Variants in ANKFN1 observed in about 807,000 individuals in gnomAD.
ANKFN1 encodes ankyrin repeat and fibronectin type-III domain-containing protein 1.
A neutral mutation model predicts 108.7 loss-of-function variants in ANKFN1; 74 were observed. That is an observed-to-expected ratio of 0.68 (90% confidence interval 0.56 to 0.83). The LOEUF is 0.83. Among genes scored for constraint, ANKFN1 ranks in the 40% least tolerant of loss-of-function variants. The probability of loss-of-function intolerance (pLI) is 0.00; values close to 1 mark genes in which losing one functional copy is unlikely to be tolerated. For missense variants in ANKFN1, 1,505 were observed against 1,382.3 expected, an observed-to-expected ratio of 1.09 and a Z score of -1.41; for synonymous variants, 547 against 516.2, an observed-to-expected ratio of 1.06 and a Z score of -0.81.
intron 8 of ANKFN1, 113 bp from the exon 9 acceptor site, chr17:56,440,214 C>T (rs961218177): frequency 4.0e-6 from 2 of 495,138 alleles, no homozygotes; most frequent in Admixed American, 6.9e-5. Flanking sequence ...GGAGGGTGCA[C>T]TTAACTCTTT....
chr17:56,215,495 C>A lies in ANKFN1; in HGVS notation c.12+2816C>A, dbSNP rs1260007954. ...GGTCCAGAAAACACAATGAAAGGGA[C>A]AAGAACAGGAAGATGGAGGGGCATG... On this transcript the variant is annotated intron_variant, in intron 2 of 20. Coordinates refer to ENST00000682825, the MANE Select transcript of ANKFN1 (RefSeq NM_001370326.1). Among the ~76,000 whole-genome samples, 8 of 152,058 alleles carry A rather than the reference C, an allele frequency of 5.3e-5. 1 individual carries two copies. The highest frequency in any genetic ancestry group is 5.2e-4 in the Admixed American group (8 of 15,272).
intron 4 of ANKFN1, among the ~76,000 whole-genome samples, chr17:56,072,349 A>G (rs766870977): frequency 1.3e-5 from 2 of 152,086 alleles, no homozygotes; most frequent in Non-Finnish European, 2.9e-5. Flanking sequence ...CACACATAGT[A>G]TAGCGCAATG....
chr17:56,093,323 A>T (rs1905454958), intron 4 of ANKFN1, among the ~76,000 whole-genome samples: 1 of 151,104 alleles, frequency 6.6e-6, no homozygotes, highest in Non-Finnish European at 1.5e-5. Flanking sequence ...TTGGGCTTAA[A>T]ACCTAGCTTC....
intron 8 of ANKFN1, among the ~76,000 whole-genome samples, chr17:56,427,348 A>G (rs962091368): frequency 2.6e-5 from 4 of 152,154 alleles, no homozygotes; most frequent in Non-Finnish European, 5.9e-5. Context: ...GTAAGACTCC[A>G]TAACATGAAC....
At position 56,100,208 on chromosome 17, in the gene ANKFN1, T is replaced by G. The variant is rs571276371; in HGVS notation, c.288+53883T>G. Among the ~76,000 whole-genome samples the G allele has an allele frequency of 5.3e-5, 8 of 152,356 alleles. No individual in the cohort carries two copies. The South Asian group carries it at 1.2e-3, about 24-fold the overall frequency. On this transcript the variant is annotated intron_variant, in intron 4 of 12. Coordinates refer to the ANKFN1 transcript ENST00000635860. Reference sequence around the variant, plus strand: ...TGTGCACTCTCAAGTATTCTGTATCTGTCCCATCTTCTCTGCAAGGAAGTT... The same window carrying G: ...TGTGCACTCTCAAGTATTCTGTATCGGTCCCATCTTCTCTGCAAGGAAGTT...
At chr17:56,491,276 T>C (rs1275588486) in intron 18 of ANKFN1, among the ~76,000 whole-genome samples, 1 of 151,794 alleles carries the variant, frequency 6.6e-6, no homozygotes, top group Non-Finnish European at 1.5e-5. Context: ...GTAAACAGAG[T>C]AAAAGAGGTT....
intron 8 of ANKFN1, among the ~76,000 whole-genome samples, chr17:56,390,914 T>G (rs1447800684): frequency 6.6e-6 from 1 of 152,144 alleles, no homozygotes; most frequent in African/African-American, 2.4e-5. Flanking sequence ...CCTCCACCTT[T>G]TCTTCGAAGT....
intron 9 of ANKFN1, among the ~76,000 whole-genome samples, chr17:56,441,380 T>G (rs1450779268): frequency 6.6e-6 from 1 of 152,178 alleles, no homozygotes; most frequent in East Asian, 1.9e-4. Flanking sequence ...GTTGCATTTC[T>G]TCAAGTTTAA....
Position 56,227,898 on chromosome 17 carries a change from TTTTC to T in ANKFN1, c.13-11_13-8del. On this transcript the variant is annotated splice_polypyrimidine_tract_variant and intron_variant, in intron 2 of 20. Coordinates refer to ENST00000682825, the MANE Select transcript of ANKFN1 (RefSeq NM_001370326.1). ...ACTGTACAATTTTTTAACATTCTTT[TTTTC>T]TTTCTTTGTTTCAGAGGCTACTCTT... 6.2e-7 allele frequency: 1 copy of T among 1,600,128 alleles called. No homozygotes were observed. Among genetic ancestry groups the T allele is most frequent in the Non-Finnish European group, 8.5e-7 (1 of 1,173,860 alleles).
In ANKFN1 at chr17:56,511,395, GT is replaced by G; in HGVS notation, c.*128del. 9.1e-7 allele frequency: 1 copy of G among 1,103,558 alleles called. No individual in the cohort carries two copies. Among genetic ancestry groups the G allele is most frequent in the Non-Finnish European group, 1.3e-6 (1 of 799,292 alleles). The allele number at this position is 1,103,558 out of a possible 1,614,324, so 68.4% of individuals were successfully genotyped here. ...CGTTTTGAATGTTATAAATACAAAGGTTACAAGTTCAAGGTCCTCTTTTTTT... is the reference window on the plus strand; with the variant it reads ...CGTTTTGAATGTTATAAATACAAAGGTACAAGTTCAAGGTCCTCTTTTTTT... On this transcript the variant is annotated 3_prime_UTR_variant, in exon 21 of 21. Coordinates refer to ENST00000682825, the MANE Select transcript of ANKFN1 (RefSeq NM_001370326.1).
At chr17:56,144,936 CT>C (rs373302760) in intron 4 of ANKFN1, among the ~76,000 whole-genome samples, 3 of 150,942 alleles carry the variant, frequency 2.0e-5, no homozygotes, top group Non-Finnish European at 3.0e-5. Context: ...TTCTCTTACC[CT>C]TTTTTTTTTC....
chr17:56,079,606 A>G (rs778360046), intron 4 of ANKFN1, among the ~76,000 whole-genome samples: 10 of 152,236 alleles, frequency 6.6e-5, no homozygotes, highest in East Asian at 1.9e-4. Flanking sequence ...TAGATTAGAC[A>G]TTGTCTAAGA....
At chr17:56,373,957 G>C (rs1354335708) in intron 7 of ANKFN1, among the ~76,000 whole-genome samples, 1 of 152,176 alleles carries the variant, frequency 6.6e-6, no homozygotes, top group African/African-American at 2.4e-5. Flanking sequence ...TAAAACCTGA[G>C]GTTAGTGGAC....
At chr17:56,078,419 A>T (rs1905206413) in intron 4 of ANKFN1, among the ~76,000 whole-genome samples, 1 of 152,176 alleles carries the variant, frequency 6.6e-6, no homozygotes, top group African/African-American at 2.4e-5. Flanking sequence ...TGCAGGAAAA[A>T]AATGGGGGAG....
intron 8 of ANKFN1, among the ~76,000 whole-genome samples, chr17:56,378,695 C>T (rs1567956908): frequency 6.6e-6 from 1 of 151,952 alleles, no homozygotes; most frequent in Non-Finnish European, 1.5e-5. Context: ...ATGAGAGCAA[C>T]GAGGAGGAGC....
intron 8 of ANKFN1, among the ~76,000 whole-genome samples, chr17:56,381,631 T>C (rs1357861405): frequency 6.6e-6 from 1 of 151,944 alleles, no homozygotes; most frequent in African/African-American, 2.4e-5. Flanking sequence ...GAGAACTACG[T>C]GAAGAATGCA....
chr17:56,361,677 C>A (rs895048091), intron 6 of ANKFN1, among the ~76,000 whole-genome samples: 3 of 152,012 alleles, frequency 2.0e-5, no homozygotes, highest in Non-Finnish European at 2.9e-5. Context: ...TTGGGAATGG[C>A]TTTAGCTGGT....
At position 56,457,980 on chromosome 17, in the gene ANKFN1, G is replaced by T. The variant is rs1004769706; in HGVS notation, c.1557+1G>T. The T allele has an allele frequency of 1.9e-6, 3 of 1,612,826 alleles. No individual in the cohort carries two copies. The African/African-American group carries it at 4.0e-5, about 22-fold the overall frequency. On this transcript the variant is annotated splice_donor_variant, in intron 14 of 20. Transcript: ENST00000682825. LOFTEE classifies it high-confidence loss of function. The stretch of plus-strand genomic sequence containing the variant: ...GCTCGCAGCAACAGCACAGCTACAG[G>T]TAAGGGACCAGGTTTCAACCCAGGC...
intron 8 of ANKFN1, among the ~76,000 whole-genome samples, chr17:56,388,490 A>G (rs1396847199): frequency 6.6e-6 from 1 of 151,906 alleles, no homozygotes; most frequent in African/African-American, 2.4e-5. Flanking sequence ...AAAGCATTTA[A>G]CTCTTTTAAT....
Sources: gnomAD v4.1 joint callset for allele counts (sites outside exome capture counted in the v4.1 genomes callset) on GRCh38, gnomAD v4.1.1 for gene constraint, MANE v1.5 for transcripts, NCBI Gene and HGNC (gene_info 2026-07-23, HGNC 2026-07-21) for gene names.